The following FOXP2 variants were observed in gnomAD, a reference collection of about 807,000 sequenced individuals.
The protein encoded by FOXP2 is forkhead box protein P2.
A neutral mutation model predicts 115.8 loss-of-function variants in FOXP2; 12 were observed. The observed-to-expected ratio is 0.10, with a 90% confidence interval of 0.07 to 0.17. The LOEUF (loss-of-function observed/expected upper bound fraction) is 0.17. Among genes scored for constraint, FOXP2 ranks in the 10% least tolerant of loss-of-function variants. The pLI, the probability that FOXP2 is intolerant of heterozygous loss-of-function variation, is 1.00. For synonymous variants in FOXP2, 328 were observed against 297.7 expected, an observed-to-expected ratio of 1.10 and a Z score of -1.05; for missense variants, 629 against 843.5, an observed-to-expected ratio of 0.75 and a Z score of 3.15.
chr7:114,575,715 CAA>C (rs1225364072), intron 3 of FOXP2, among the ~76,000 whole-genome samples: 1 of 151,834 alleles, frequency 6.6e-6, no homozygotes, highest in Non-Finnish European at 1.5e-5. Flanking sequence ...CATGAAGATA[CAA>C]AGTTAGGAAA....
At chr7:114,654,321 C>G (rs1319752011) in intron 10 of FOXP2, among the ~76,000 whole-genome samples, 6 of 151,958 alleles carry the variant, frequency 3.9e-5, no homozygotes, top group South Asian at 4.1e-4. Flanking sequence ...AAAAGGAAAC[C>G]CTCTTTGAGC....
chr7:114,546,339 C>G (rs1365828328), intron 3 of FOXP2, among the ~76,000 whole-genome samples: 1 of 152,174 alleles, frequency 6.6e-6, no homozygotes, highest in Non-Finnish European at 1.5e-5. Context: ...GTTCTTCAAC[C>G]CCAGCATGTC....
intron 1 of FOXP2, among the ~76,000 whole-genome samples, chr7:114,176,412 C>G (rs879399074): frequency 6.6e-6 from 1 of 151,404 alleles, no homozygotes; most frequent in African/African-American, 2.4e-5. Flanking sequence ...AGTCTCAGCT[C>G]ACTGCAGCCT....
intron 1 of FOXP2, among the ~76,000 whole-genome samples, chr7:114,286,983 G>A (rs118139145): frequency 4.5e-4 from 69 of 152,134 alleles, no homozygotes; most frequent in Middle Eastern, 6.8e-3. Flanking sequence ...AACAAAGATG[G>A]CAAGTGATGC....
intron 16 of FOXP2, chr7:114,668,896 T>TA (rs886448322): frequency 3.9e-5 from 6 of 152,110 alleles, no homozygotes; most frequent in African/African-American, 1.4e-4. Flanking sequence ...AAGTCATACT[T>TA]ACAGGAGTAT....
intron 2 of FOXP2, among the ~76,000 whole-genome samples, chr7:114,370,591 A>T (rs1449824426): frequency 6.6e-6 from 1 of 152,188 alleles, no homozygotes; most frequent in East Asian, 1.9e-4. Context: ...GAACATGGAC[A>T]TTCTTACTAG....
intron 3 of FOXP2, among the ~76,000 whole-genome samples, chr7:114,566,353 G>A (rs1008589623): frequency 1.2e-4 from 18 of 152,062 alleles, no homozygotes; most frequent in Non-Finnish European, 2.2e-4. Flanking sequence ...AGTGTTGGAG[G>A]TGGGGCCTCA....
intron 1 of FOXP2, among the ~76,000 whole-genome samples, chr7:114,233,856 T>A (rs1228110511): frequency 1.3e-5 from 2 of 151,986 alleles, no homozygotes; most frequent in Non-Finnish European, 2.9e-5. Context: ...CTACTAAAAG[T>A]ACAAAAATTA....
At chr7:114,273,648 T>C (rs1028006561) in intron 1 of FOXP2, among the ~76,000 whole-genome samples, 18 of 152,064 alleles carry the variant, frequency 1.2e-4, no homozygotes, top group African/African-American at 4.3e-4. Context: ...TACATACATA[T>C]TAAGGATTGT....
intron 2 of FOXP2, among the ~76,000 whole-genome samples, chr7:114,501,759 CAT>C (rs1797575249): frequency 6.6e-6 from 1 of 152,004 alleles, no homozygotes. Flanking sequence ...CTGCTTTTCT[CAT>C]GTGATTAAAA....
intron 1 of FOXP2, among the ~76,000 whole-genome samples, chr7:114,113,723 C>T (rs1204094713): frequency 6.6e-6 from 1 of 151,978 alleles, no homozygotes; most frequent in East Asian, 1.9e-4. Flanking sequence ...AGGCTGGTCT[C>T]ACACTCCTGG....
rs563607249 is a variant in FOXP2, at chr7:114,247,917, G to A, written c.-101-40102G>A. On this transcript the variant is annotated intron_variant, in intron 1 of 17. Transcript: ENST00000634411. ...CATATAGGTAAACGTGCATGCGGATGTGCAGACACACACAGGCACAGATAC... is the reference window on the plus strand; with the variant it reads ...CATATAGGTAAACGTGCATGCGGATATGCAGACACACACAGGCACAGATAC... Among the ~76,000 whole-genome samples, 5 of 152,180 alleles carry A rather than the reference G, an allele frequency of 3.3e-5. No homozygotes were observed. The East Asian group carries it at 9.7e-4, about 29-fold the overall frequency.
chr7:114,105,733 C>T (rs1791093869), intron 1 of FOXP2, among the ~76,000 whole-genome samples: 1 of 151,978 alleles, frequency 6.6e-6, no homozygotes, highest in African/African-American at 2.4e-5. Flanking sequence ...GACCTTTGAG[C>T]ATGAGTTCTA....
intron 1 of FOXP2, among the ~76,000 whole-genome samples, chr7:114,283,279 G>T (rs1039004193): frequency 2.6e-5 from 4 of 152,136 alleles, no homozygotes; most frequent in Admixed American, 2.6e-4. Context: ...TATTAAAACA[G>T]TATTTAAAAT....
intron 3 of FOXP2, among the ~76,000 whole-genome samples, chr7:114,600,410 C>G (rs1639595729): frequency 6.6e-6 from 1 of 152,120 alleles, no homozygotes; most frequent in Non-Finnish European, 1.5e-5. Flanking sequence ...GTTTGCTTAT[C>G]CATTCACCTA....
intron 3 of FOXP2, among the ~76,000 whole-genome samples, chr7:114,587,146 G>T (rs1281905841): frequency 1.3e-5 from 2 of 151,754 alleles, no homozygotes; most frequent in African/African-American, 4.8e-5. Flanking sequence ...TGCCATGGGG[G>T]TTTGCTGCAC....
intron 1 of FOXP2, among the ~76,000 whole-genome samples, chr7:114,221,587 A>G (rs1029322013): frequency 6.6e-6 from 1 of 152,010 alleles, no homozygotes; most frequent in Non-Finnish European, 1.5e-5. Flanking sequence ...ATTGGGTGAC[A>G]TTCTCTTTGA....
intron 2 of FOXP2, among the ~76,000 whole-genome samples, chr7:114,332,473 A>T (rs1797737454): frequency 6.6e-6 from 1 of 152,156 alleles, no homozygotes; most frequent in Non-Finnish European, 1.5e-5. Context: ...AAACTATATA[A>T]TATATACATT....
At chr7:114,118,758 C>T (rs1255052861) in intron 1 of FOXP2, among the ~76,000 whole-genome samples, 1 of 152,052 alleles carries the variant, frequency 6.6e-6, no homozygotes, top group African/African-American at 2.4e-5. Flanking sequence ...GTGGAAGACA[C>T]ATCTATGAAC....
Sources: allele counts gnomAD v4.1 joint callset (sites outside exome capture counted in the v4.1 genomes callset), GRCh38; gene constraint gnomAD v4.1.1; transcripts MANE v1.5; gene names NCBI Gene and HGNC (gene_info 2026-07-23, HGNC 2026-07-21).